SUCLG2: variants seen among roughly 807,000 people sequenced by gnomAD.
SUCLG2 encodes succinate-CoA ligase GDP-forming subunit beta, also known as succinate--CoA ligase [GDP-forming] subunit beta, mitochondrial.
SUCLG2 carries 42 observed loss-of-function variants against 47.9 expected under a neutral mutation model. The ratio of observed to expected loss-of-function variants is 0.88; its 90% CI spans 0.69 to 1.14. SUCLG2 has a LOEUF of 1.14. SUCLG2 is among the 50% of genes most tolerant of loss of function. The probability of loss-of-function intolerance (pLI) is 0.00; values close to 1 mark genes in which losing one functional copy is unlikely to be tolerated. For missense variants in SUCLG2, 571 were observed against 525.9 expected (o/e 1.09, Z -0.84); for synonymous variants, 195 against 197.3 (o/e 0.99, Z 0.10).
chr3:67,647,359 A>C (rs1428621882), intron 1 of SUCLG2, among the ~76,000 whole-genome samples: 2 of 152,224 alleles, frequency 1.3e-5, no homozygotes, highest in Non-Finnish European at 2.9e-5. Flanking sequence ...CATTTCTAGA[A>C]AGGGTAAAAG....
intron 9 of SUCLG2, among the ~76,000 whole-genome samples, chr3:67,452,336 A>T (rs115298081): frequency 0.052 from 7,875 of 152,226 alleles, 288 homozygotes; most frequent in Middle Eastern, 0.12. Flanking sequence ...AGTATTTTCC[A>T]TGTGTGGCCA....
intron 4 of SUCLG2, among the ~76,000 whole-genome samples, chr3:67,527,927 A>G (rs1439711093): frequency 6.6e-6 from 1 of 152,204 alleles, no homozygotes; most frequent in African/African-American, 2.4e-5. Flanking sequence ...TGCTAATGAT[A>G]ATAAATAATA....
intron 2 of SUCLG2, among the ~76,000 whole-genome samples, chr3:67,533,127 G>T (rs1004823482): frequency 3.9e-5 from 6 of 152,130 alleles, no homozygotes; most frequent in Non-Finnish European, 5.9e-5. Flanking sequence ...ACATATTTCA[G>T]AGCCATAATA....
At chr3:67,548,389 C>T (rs1192145476) in intron 2 of SUCLG2, among the ~76,000 whole-genome samples, 4 of 152,234 alleles carry the variant, frequency 2.6e-5, no homozygotes, top group African/African-American at 9.6e-5. Context: ...TGCTTTGTCA[C>T]ATCTCTCAAT....
chr3:67,518,315 C>T lies in SUCLG2; in HGVS notation c.592G>A (p.Gly198Arg), dbSNP rs773673191. ...IFKEQIDIFE[G>R]IKDSQAQRMA... ...CGCTGAGCTTGGCTGTCCTTTATTCCTTCAAAAATGTCAATTTGCTCCTAG... is the reference window on the plus strand; with the variant it reads ...CGCTGAGCTTGGCTGTCCTTTATTCTTTCAAAAATGTCAATTTGCTCCTAG... The change falls in exon 6 of 11, where the codon GGA (glycine) becomes AGA (arginine). Residue 198 changes from glycine to arginine, a missense_variant. Gly to Arg is a moderately radical substitution (Grantham distance 125, BLOSUM62 -2). Coordinates refer to ENST00000307227, the MANE Select transcript of SUCLG2 (RefSeq NM_003848.4). 29 of 1,610,522 alleles carry T rather than the reference C, an allele frequency of 1.8e-5. No homozygotes were observed. In the Admixed American group the frequency reaches 4.2e-4, roughly 23 times the overall value.
At chr3:67,542,871 G>A (rs1163550482) in intron 2 of SUCLG2, among the ~76,000 whole-genome samples, 1 of 152,098 alleles carries the variant, frequency 6.6e-6, no homozygotes, top group Non-Finnish European at 1.5e-5. Flanking sequence ...CACAATAATA[G>A]TGGGAGACTT....
intron 2 of SUCLG2, among the ~76,000 whole-genome samples, chr3:67,562,324 C>T (rs1256505784): frequency 6.6e-6 from 1 of 151,918 alleles, no homozygotes; most frequent in East Asian, 1.9e-4. Context: ...GTCACCAAGG[C>T]TGGAGTGCAG....
chr3:67,530,213 G>A (rs1706364601), intron 2 of SUCLG2, among the ~76,000 whole-genome samples: 4 of 152,100 alleles, frequency 2.6e-5, no homozygotes, highest in African/African-American at 9.7e-5. Flanking sequence ...ACCCAGCTGT[G>A]TGACATTAGG....
intron 10 of SUCLG2, among the ~76,000 whole-genome samples, chr3:67,366,893 T>G (rs999382548): frequency 1.3e-5 from 2 of 152,116 alleles, no homozygotes; most frequent in African/African-American, 4.8e-5. Context: ...TTCACCCCCA[T>G]GAAACACCTC....
At chr3:67,556,693 A>G (rs987569646) in intron 2 of SUCLG2, among the ~76,000 whole-genome samples, 6 of 152,148 alleles carry the variant, frequency 3.9e-5, no homozygotes, top group African/African-American at 1.4e-4. Flanking sequence ...GTTTTTTGCT[A>G]TAACACCATT....
At chr3:67,376,459 T>C in intron 10 of SUCLG2, 6 of 985,420 alleles carry the variant, frequency 6.1e-6, no homozygotes, top group Non-Finnish European at 7.2e-6. Flanking sequence ...GCTTGGGGAC[T>C]ATTTAACATG....
At chr3:67,406,098 C>T (rs76260039) in intron 9 of SUCLG2, among the ~76,000 whole-genome samples, 1 of 152,110 alleles carries the variant, frequency 6.6e-6, no homozygotes, top group Non-Finnish European at 1.5e-5. Flanking sequence ...TTACCTACCC[C>T]CCTTTCGCAG....
At chr3:67,431,698 T>C (rs955967255) in intron 9 of SUCLG2, among the ~76,000 whole-genome samples, 3 of 135,798 alleles carry the variant, frequency 2.2e-5, no homozygotes, top group Non-Finnish European at 4.6e-5. Flanking sequence ...TCAGAACACT[T>C]GGACACACGG....
intron 2 of SUCLG2, among the ~76,000 whole-genome samples, chr3:67,576,919 ATTTT>A (rs1253156055): frequency 1.3e-5 from 1 of 79,222 alleles, no homozygotes; most frequent in African/African-American, 2.9e-5. Context: ...TTTAATTTTT[ATTTT>A]ATTTTTTTTT....
At chr3:67,367,468 G>C (rs899034749) in intron 10 of SUCLG2, among the ~76,000 whole-genome samples, 2 of 152,062 alleles carry the variant, frequency 1.3e-5, no homozygotes, top group Non-Finnish European at 2.9e-5. Context: ...ACTTTATGCA[G>C]TGCTTTTTCT....
intron 10 of SUCLG2, chr3:67,360,859 C>G: frequency 9.8e-7 from 1 of 1,022,714 alleles, no homozygotes. Flanking sequence ...GATCCTGTTA[C>G]TCCTATTCCT....
At chr3:67,510,265 A>C (rs1411579691) in intron 6 of SUCLG2, among the ~76,000 whole-genome samples, 13 of 152,374 alleles carry the variant, frequency 8.5e-5, no homozygotes, top group Non-Finnish European at 1.9e-4. Flanking sequence ...GAAGAACTCC[A>C]GATTTAATTC....
At chr3:67,464,393 A>G (rs1462245073) in intron 9 of SUCLG2, among the ~76,000 whole-genome samples, 1 of 152,186 alleles carries the variant, frequency 6.6e-6, no homozygotes, top group East Asian at 1.9e-4. Flanking sequence ...TTGATCTGGC[A>G]TTTCTTTCAA....
Position 67,443,959 on chromosome 3 carries a change from TG to T in SUCLG2, c.1063-43109del, listed in dbSNP as rs1193403291. 8.4e-3 allele frequency among the ~76,000 whole-genome samples: 515 copies of T among 60,978 alleles called. 2 individuals carry two copies. The highest frequency in any genetic ancestry group is 0.024 in the African/African-American group (458 of 18,784). The allele number at this position is 60,978 out of a possible 152,430, so 40.0% of individuals were successfully genotyped here. A position where few individuals can be genotyped will look rare whatever the true frequency, so the allele number is the denominator to read the frequency against. Reference sequence around the variant, plus strand: ...GCAGCCACCCCGTCCGGGAGGGAGGTGGGGGGGGGTCAGCCCCCCGCCCGGC... The same window carrying T: ...GCAGCCACCCCGTCCGGGAGGGAGGTGGGGGGGGTCAGCCCCCCGCCCGGC... On this transcript the variant is annotated intron_variant, in intron 9 of 10. Coordinates refer to ENST00000307227, the MANE Select transcript of SUCLG2 (RefSeq NM_003848.4).
Sources: allele counts gnomAD v4.1 joint callset (sites outside exome capture counted in the v4.1 genomes callset), GRCh38; gene constraint gnomAD v4.1.1; transcripts MANE v1.5; gene names NCBI Gene and HGNC (gene_info 2026-07-23, HGNC 2026-07-21).